The following LRBA variants were observed in gnomAD, a reference collection of about 807,000 sequenced individuals.
LRBA encodes lipopolysaccharide-responsive and beige-like anchor protein.
In LRBA, 176 loss-of-function variants were observed where a neutral mutation model predicts 330.0. The ratio of observed to expected loss-of-function variants is 0.53; its 90% CI spans 0.47 to 0.60. The LOEUF (loss-of-function observed/expected upper bound fraction) is 0.60. Ranked by LOEUF, LRBA falls within the 20% of genes least tolerant of loss-of-function variation. The pLI, the probability that LRBA is intolerant of heterozygous loss-of-function variation, is 0.00. For missense variants in LRBA, 3,259 were observed against 3,444.8 expected, an observed-to-expected ratio of 0.95 and a Z score of 1.35; for synonymous variants, 1,230 against 1,193.0, an observed-to-expected ratio of 1.03 and a Z score of -0.64.
At chr4:150,467,818 A>G in intron 43 of LRBA, 33 bp from the exon 44 acceptor site, 4 of 1,009,402 alleles carry the variant, frequency 4.0e-6, no homozygotes, top group Non-Finnish European at 6.0e-6. Flanking sequence ...GTAATTTATA[A>G]TTTTAAAAGT....
At position 150,851,990 on chromosome 4, in the gene LRBA, CTT is replaced by C; in HGVS notation, c.3718_3719del (p.Lys1240AspfsTer14). On this transcript the variant is annotated frameshift_variant, in exon 23 of 57. Transcript: ENST00000651943. LOFTEE classifies it high-confidence loss of function. ...CATTGGAAACATCCAACTTCGCAATCTTTTGCTCAGAAGAAGCCTCAGAGACA... is the reference window on the plus strand; with the variant it reads ...CATTGGAAACATCCAACTTCGCAATCTTGCTCAGAAGAAGCCTCAGAGACA... ...GSVSEASSEQKIAKLDVSNVA... is the reference protein window; with the variant it reads ...GSVSEASSEQXIAKLDVSNVA... 6.2e-7 allele frequency: 1 copy of C among 1,614,120 alleles called. No individual in the cohort carries two copies. Among genetic ancestry groups the C allele is most frequent in the East Asian group, 2.2e-5 (1 of 44,862 alleles).
At chr4:150,866,438 T>C (rs1752700354) in intron 22 of LRBA, among the ~76,000 whole-genome samples, 1 of 152,210 alleles carries the variant, frequency 6.6e-6, no homozygotes, top group South Asian at 2.1e-4. Flanking sequence ...TATGGTGATG[T>C]AGCATTTTAA....
intron 37 of LRBA, among the ~76,000 whole-genome samples, chr4:150,609,461 G>A (rs1775006298): frequency 6.6e-6 from 1 of 152,140 alleles, no homozygotes. Flanking sequence ...AGAGTTACAG[G>A]AAAATGGAGC....
At chr4:150,356,237 T>C (rs890003102) in intron 47 of LRBA, among the ~76,000 whole-genome samples, 1 of 152,090 alleles carries the variant, frequency 6.6e-6, no homozygotes, top group Non-Finnish European at 1.5e-5. Flanking sequence ...CACATTTCAC[T>C]TCTAAGATGT....
At chr4:150,675,223 G>A (rs1782427723) in intron 37 of LRBA, among the ~76,000 whole-genome samples, 2 of 152,080 alleles carry the variant, frequency 1.3e-5, no homozygotes, top group South Asian at 2.1e-4. Context: ...CAAAACAGAA[G>A]TTGCATGATA....
At chr4:150,748,464 C>A (rs965647748) in intron 35 of LRBA, among the ~76,000 whole-genome samples, 1 of 151,992 alleles carries the variant, frequency 6.6e-6, no homozygotes, top group South Asian at 2.1e-4. Flanking sequence ...GTCAGGAGTT[C>A]GAGACCAGCC....
intron 46 of LRBA, among the ~76,000 whole-genome samples, chr4:150,432,688 G>A (rs889064236): frequency 3.3e-5 from 5 of 151,402 alleles, no homozygotes; most frequent in East Asian, 1.9e-4. Flanking sequence ...CTCGTGATCC[G>A]CCCGCCTCGG....
chr4:150,691,756 C>T (rs1252390142), intron 36 of LRBA, among the ~76,000 whole-genome samples: 2 of 151,966 alleles, frequency 1.3e-5, no homozygotes, highest in Non-Finnish European at 2.9e-5. Context: ...ATGAAAATGC[C>T]CATGGTGCAT....
chr4:150,553,372 C>T (rs531290654), intron 40 of LRBA, among the ~76,000 whole-genome samples: 9 of 151,824 alleles, frequency 5.9e-5, no homozygotes, highest in South Asian at 2.1e-4. Flanking sequence ...ATGTAAATGA[C>T]GAGTTACTGG....
At chr4:150,533,603 T>A (rs1056654444) in intron 40 of LRBA, among the ~76,000 whole-genome samples, 1 of 152,208 alleles carries the variant, frequency 6.6e-6, no homozygotes, top group African/African-American at 2.4e-5. Context: ...TATTTACCCT[T>A]CATTATCTGC....
At chr4:150,834,133 T>C (rs1747631259) in intron 28 of LRBA, among the ~76,000 whole-genome samples, 1 of 152,210 alleles carries the variant, frequency 6.6e-6, no homozygotes, top group Non-Finnish European at 1.5e-5. Flanking sequence ...ATGGAAATCA[T>C]GAACTCCTAA....
intron 13 of LRBA, among the ~76,000 whole-genome samples, chr4:150,903,893 T>C (rs1407083380): frequency 1.3e-5 from 2 of 152,244 alleles, no homozygotes; most frequent in East Asian, 3.9e-4. Flanking sequence ...AAATCTAAAT[T>C]CTATGAGGGC....
At chr4:150,703,592 G>A (rs187565525) in intron 36 of LRBA, among the ~76,000 whole-genome samples, 10 of 152,254 alleles carry the variant, frequency 6.6e-5, no homozygotes, top group Middle Eastern at 6.8e-3. Flanking sequence ...ATGGTTAAAA[G>A]TAATTCTCAC....
At chr4:150,914,949 A>C (rs1003966611) in intron 8 of LRBA, among the ~76,000 whole-genome samples, 4 of 152,132 alleles carry the variant, frequency 2.6e-5, no homozygotes, top group Non-Finnish European at 5.9e-5. Context: ...AAGGCCTAAT[A>C]GATTAGGTAA....
At chr4:150,792,371 G>C (rs977821007) in intron 34 of LRBA, among the ~76,000 whole-genome samples, 1 of 152,070 alleles carries the variant, frequency 6.6e-6, no homozygotes, top group Non-Finnish European at 1.5e-5. Flanking sequence ...ACAGAGGAGG[G>C]GATTGATTGA....
chr4:150,340,967 A>G (rs916412256), intron 48 of LRBA, among the ~76,000 whole-genome samples: 3 of 152,098 alleles, frequency 2.0e-5, no homozygotes, highest in Non-Finnish European at 4.4e-5. Flanking sequence ...AAAGTTTAAG[A>G]AGGAAGTGAA....
At chr4:150,622,558 T>C (rs1055594655) in intron 37 of LRBA, among the ~76,000 whole-genome samples, 2 of 151,780 alleles carry the variant, frequency 1.3e-5, no homozygotes, top group Non-Finnish European at 2.9e-5. Flanking sequence ...AGAAATCTAG[T>C]AGGATCAACT....
chr4:150,520,412 T>C (rs1762797787), intron 40 of LRBA, among the ~76,000 whole-genome samples: 1 of 152,194 alleles, frequency 6.6e-6, no homozygotes, highest in Non-Finnish European at 1.5e-5. Flanking sequence ...TTAGGAATAT[T>C]TTGTAGTTTT....
intron 35 of LRBA, among the ~76,000 whole-genome samples, chr4:150,743,224 C>T (rs1458189601): frequency 6.6e-6 from 1 of 152,176 alleles, no homozygotes; most frequent in Non-Finnish European, 1.5e-5. Flanking sequence ...CTTGCTTTGG[C>T]CTTCCAGGGT....
Sources: allele counts gnomAD v4.1 joint callset (sites outside exome capture counted in the v4.1 genomes callset), GRCh38; gene constraint gnomAD v4.1.1; transcripts MANE v1.5; gene names NCBI Gene and HGNC (gene_info 2026-07-23, HGNC 2026-07-21).